Variants in LARGE1 observed in about 807,000 individuals in gnomAD.
LARGE1 encodes xylosyl- and glucuronyltransferase LARGE1.
LARGE1 carries 43 observed loss-of-function variants against 87.6 expected under a neutral mutation model. The observed-to-expected ratio is 0.49, with a 90% CI of 0.38 to 0.63. LARGE1 has a LOEUF of 0.63. Ranked by LOEUF, LARGE1 falls within the 30% of genes least tolerant of loss-of-function variation. The pLI, the probability that LARGE1 is intolerant of heterozygous loss-of-function variation, is 0.00. For missense variants in LARGE1, 802 were observed against 1,000.2 expected (o/e 0.80, Z 2.67); for synonymous variants, 434 against 394.6 (o/e 1.10, Z -1.18).
In LARGE1 at chr22:33,571,534, C is replaced by CAGGAAA. The variant is rs548524938; in HGVS notation, c.616-6521_616-6516dup. Among the ~76,000 whole-genome samples, 1,149 of 152,274 alleles carry CAGGAAA rather than the reference C, an allele frequency of 7.5e-3. 5 individuals carry two copies. The highest frequency in any genetic ancestry group is 0.011 in the Non-Finnish European group (760 of 68,026). On this transcript the variant is annotated intron_variant, in intron 5 of 14. Transcript: ENST00000397394. The stretch of plus-strand genomic sequence containing the variant: ...TGACCTTTGATAAATAAGGGAAAAA[C>CAGGAAA]AGGAAAAGAGACTGGTTTTGTCAGG...
chr22:33,912,173 G>A (rs565897974), intron 1 of LARGE1, among the ~76,000 whole-genome samples: 1 of 152,278 alleles, frequency 6.6e-6, no homozygotes, highest in South Asian at 2.1e-4. Context: ...TAAACAAACA[G>A]TGTTGGCACA....
chr22:33,508,534 C>T (rs1344776330), intron 6 of LARGE1, among the ~76,000 whole-genome samples: 1 of 152,192 alleles, frequency 6.6e-6, no homozygotes, highest in African/African-American at 2.4e-5. Flanking sequence ...TCTCTTCTTT[C>T]TCGCGACACT....
Position 33,651,317 on chromosome 22 carries a change from G to A in LARGE1, c.107-649C>T, listed in dbSNP as rs1201894767. 3.4e-5 allele frequency among the ~76,000 whole-genome samples: 5 copies of A among 147,194 alleles called. 1 individual carries two copies. Among genetic ancestry groups the A allele is most frequent in the South Asian group, 4.4e-4 (2 of 4,576 alleles). On this transcript the variant is annotated intron_variant, in intron 2 of 14. Transcript: ENST00000397394. ...TGAGGCAGGATAATGGCAAGAACCC[G>A]GGAGGCGGAGCTTGCAGTGAGCCGA...
At chr22:33,342,060 T>C (rs111808157) in intron 9 of LARGE1, among the ~76,000 whole-genome samples, 4 of 152,304 alleles carry the variant, frequency 2.6e-5, no homozygotes, top group African/African-American at 9.6e-5. Flanking sequence ...CTTTTCTTCT[T>C]GTGCCTTTTG....
intron 4 of LARGE1, among the ~76,000 whole-genome samples, chr22:33,623,750 G>C (rs1229680857): frequency 1.3e-5 from 2 of 151,488 alleles, no homozygotes; most frequent in Admixed American, 6.6e-5. Context: ...AGTTAAAATG[G>C]CTGGGGGCGG....
At chr22:33,580,674 C>G (rs2078493233) in intron 5 of LARGE1, among the ~76,000 whole-genome samples, 1 of 152,160 alleles carries the variant, frequency 6.6e-6, no homozygotes, top group African/African-American at 2.4e-5. Context: ...AACACACACA[C>G]TCTGGGACAC....
intron 5 of LARGE1, among the ~76,000 whole-genome samples, chr22:33,577,460 A>G (rs2078387942): frequency 1.3e-5 from 2 of 152,360 alleles, no homozygotes; most frequent in South Asian, 4.1e-4. Flanking sequence ...ATCAGAAGGC[A>G]GCTGAATCAG....
intron 6 of LARGE1, among the ~76,000 whole-genome samples, chr22:33,539,094 T>A (rs2077117951): frequency 6.6e-6 from 1 of 152,222 alleles, no homozygotes; most frequent in Admixed American, 6.5e-5. Context: ...TGCATATATG[T>A]GTGTATATAT....
chr22:33,870,730 G>A (rs371481599), intron 1 of LARGE1, among the ~76,000 whole-genome samples: 4 of 152,180 alleles, frequency 2.6e-5, no homozygotes, highest in South Asian at 2.1e-4. Context: ...CAGCACACTC[G>A]TAAAATTTTT....
chr22:33,826,154 C>G (rs2062777081), intron 1 of LARGE1, among the ~76,000 whole-genome samples: 2 of 152,134 alleles, frequency 1.3e-5, no homozygotes, highest in South Asian at 4.1e-4. Flanking sequence ...AGTTTGGAAG[C>G]CAGAAGTCCA....
At chr22:33,620,520 A>C (rs1298318565) in intron 4 of LARGE1, among the ~76,000 whole-genome samples, 1 of 152,192 alleles carries the variant, frequency 6.6e-6, no homozygotes, top group Non-Finnish European at 1.5e-5. Flanking sequence ...GGTAACAAAC[A>C]AACCTTTGTC....
At chr22:33,689,741 A>T (rs557307556) in intron 2 of LARGE1, among the ~76,000 whole-genome samples, 13 of 146,158 alleles carry the variant, frequency 8.9e-5, no homozygotes, top group African/African-American at 3.3e-4. Context: ...CCTGGCCAAC[A>T]TGGTGAAAAC....
At chr22:33,438,839 G>T (rs1204444720) in intron 6 of LARGE1, among the ~76,000 whole-genome samples, 9 of 152,192 alleles carry the variant, frequency 5.9e-5, no homozygotes, top group Admixed American at 1.3e-4. Context: ...GCTTCTCTGA[G>T]CCTTGAGTTT....
intron 2 of LARGE1, among the ~76,000 whole-genome samples, chr22:33,751,961 T>C (rs1248075008): frequency 6.6e-6 from 1 of 152,168 alleles, no homozygotes; most frequent in Non-Finnish European, 1.5e-5. Context: ...TTTGTATTTT[T>C]AGTAGAGATG....
intron 1 of LARGE1, among the ~76,000 whole-genome samples, chr22:33,837,279 C>CACACACACACACACACACACACACAT (rs1491397964): frequency 6.6e-6 from 1 of 151,518 alleles, no homozygotes; most frequent in Non-Finnish European, 1.5e-5. Context: ...CACACACACA[C>CACACACACACACACACACACACACAT]ACCTATACAT....
At chr22:33,315,594 T>C (rs1936065687) in intron 11 of LARGE1, among the ~76,000 whole-genome samples, 1 of 152,040 alleles carries the variant, frequency 6.6e-6, no homozygotes, top group South Asian at 2.1e-4. Flanking sequence ...GGGGAGGTGG[T>C]AGGGATGTGA....
chr22:33,896,393 G>A (rs932816574), intron 1 of LARGE1, among the ~76,000 whole-genome samples: 3 of 152,306 alleles, frequency 2.0e-5, no homozygotes, highest in Admixed American at 2.0e-4. Context: ...CTATGAACAT[G>A]AGTATGCAAA....
At chr22:33,322,143 C>G (rs568709550) in intron 10 of LARGE1, among the ~76,000 whole-genome samples, 1 of 152,222 alleles carries the variant, frequency 6.6e-6, no homozygotes, top group African/African-American at 2.4e-5. Flanking sequence ...TATGCACACA[C>G]AGGTACATAC....
intron 11 of LARGE1, among the ~76,000 whole-genome samples, chr22:33,314,808 G>A (rs751566041): frequency 3.3e-5 from 5 of 152,234 alleles, no homozygotes; most frequent in Admixed American, 6.5e-5. Flanking sequence ...GACAAGGTGG[G>A]AAGGGGCACC....
Sources: gnomAD v4.1 joint callset for allele counts (sites outside exome capture counted in the v4.1 genomes callset) on GRCh38, gnomAD v4.1.1 for gene constraint, MANE v1.5 for transcripts, NCBI Gene and HGNC (gene_info 2026-07-23, HGNC 2026-07-21) for gene names.